CCDC170: variants seen among roughly 807,000 people sequenced by gnomAD.
CCDC170 encodes the protein coiled-coil domain containing 170.
In CCDC170, 69 loss-of-function variants were observed where a neutral mutation model predicts 72.6. The ratio of observed to expected loss-of-function variants is 0.95; its 90% CI spans 0.78 to 1.16. The LOEUF is 1.16. Ranked by LOEUF, CCDC170 falls within the 50% of genes most tolerant of loss-of-function variation. CCDC170 has a pLI of 0.00. For missense variants in CCDC170, 852 were observed against 832.5 expected (o/e 1.02, Z -0.29); for synonymous variants, 300 against 303.9 (o/e 0.99, Z 0.13).
intron 7 of CCDC170, among the ~76,000 whole-genome samples, chr6:151,590,458 G>A (rs929193176): frequency 2.4e-4 from 37 of 152,252 alleles, no homozygotes; most frequent in African/African-American, 4.6e-4. Context: ...AACTCTGTCC[G>A]TCGTGAATTT....
chr6:151,564,510 T>A (rs1483812819), intron 5 of CCDC170, among the ~76,000 whole-genome samples: 1 of 152,090 alleles, frequency 6.6e-6, no homozygotes, highest in Non-Finnish European at 1.5e-5. Flanking sequence ...GGTCTTTCAG[T>A]CCCTGGGCAG....
chr6:151,609,381 C>T (rs1330319647), intron 9 of CCDC170, among the ~76,000 whole-genome samples: 1 of 152,198 alleles, frequency 6.6e-6, no homozygotes, highest in Non-Finnish European at 1.5e-5. Flanking sequence ...TTCCTGAAAC[C>T]TTCCAGCTGG....
chr6:151,599,726 T>A (rs1200643013), intron 9 of CCDC170, among the ~76,000 whole-genome samples: 1 of 152,142 alleles, frequency 6.6e-6, no homozygotes, highest in African/African-American at 2.4e-5. Flanking sequence ...CGATAATGAC[T>A]GAAGGAGTGT....
intron 5 of CCDC170, among the ~76,000 whole-genome samples, chr6:151,559,044 G>C (rs1214997316): frequency 9.3e-6 from 1 of 106,994 alleles, no homozygotes; most frequent in Non-Finnish European, 1.8e-5. Flanking sequence ...ACAGAATCTT[G>C]CTCTGTCTCC....
chr6:151,545,087 T>C (rs751070830), intron 4 of CCDC170, among the ~76,000 whole-genome samples: 1 of 152,120 alleles, frequency 6.6e-6, no homozygotes, highest in Non-Finnish European at 1.5e-5. Context: ...AGGATACTGA[T>C]TGAGTGTGAG....
At chr6:151,600,359 C>T (rs770857894) in intron 9 of CCDC170, among the ~76,000 whole-genome samples, 4 of 152,128 alleles carry the variant, frequency 2.6e-5, no homozygotes, top group Non-Finnish European at 4.4e-5. Flanking sequence ...ACCCAACTAC[C>T]ACAAACTGGG....
At chr6:151,517,695 G>A (rs1184260330) in intron 1 of CCDC170, among the ~76,000 whole-genome samples, 2 of 151,890 alleles carry the variant, frequency 1.3e-5, no homozygotes, top group African/African-American at 2.4e-5. Context: ...ACCCACCTCG[G>A]CCTCCCAAAG....
chr6:151,614,629 A>ATTTTTTTTTT (rs34242496), intron 9 of CCDC170, among the ~76,000 whole-genome samples: 2 of 135,114 alleles, frequency 1.5e-5, no homozygotes, highest in Non-Finnish European at 3.2e-5. Flanking sequence ...TAACTTTTGT[A>ATTTTTTTTTT]TTTTTTTTTT....
intron 6 of CCDC170, among the ~76,000 whole-genome samples, chr6:151,582,303 T>C (rs555217341): frequency 1.3e-5 from 2 of 152,340 alleles, no homozygotes; most frequent in South Asian, 2.1e-4. Context: ...TACTGCTTTA[T>C]CTTGTACTTT....
intron 1 of CCDC170, among the ~76,000 whole-genome samples, chr6:151,523,969 C>T (rs902750418): frequency 4.6e-5 from 7 of 152,056 alleles, no homozygotes; most frequent in East Asian, 3.9e-4. Context: ...GTTTAATAAG[C>T]GAAAGGAGAA....
In CCDC170 at chr6:151,596,454, C is replaced by T; in HGVS notation, c.1587C>T (p.Asp529=). ...QARTALVVER[D]NAHLTIRNLQ... ...GCACGGCCTTGGTGGTTGAGAGGGACAACGCGCATCTTACCATCAGGAACT... is the reference window on the plus strand; with the variant it reads ...GCACGGCCTTGGTGGTTGAGAGGGATAACGCGCATCTTACCATCAGGAACT... The change falls in exon 9 of 11, where the codon GAC becomes GAT. Residue 529 remains aspartate (D), a synonymous_variant. Coordinates refer to ENST00000239374, the MANE Select transcript of CCDC170 (RefSeq NM_025059.4). 2.5e-6 allele frequency: 4 copies of T among 1,614,058 alleles called. No individual in the cohort carries two copies. Among genetic ancestry groups the T allele is most frequent in the Non-Finnish European group, 3.4e-6 (4 of 1,179,994 alleles).
At chr6:151,590,687 C>A (rs115483420) in intron 7 of CCDC170, among the ~76,000 whole-genome samples, 2,426 of 152,292 alleles carry the variant, frequency 0.016, 76 homozygotes, top group African/African-American at 0.056. Flanking sequence ...TTTCTAGTAA[C>A]CTTAATCTTT....
At chr6:151,583,852 C>T (rs1356098230) in intron 6 of CCDC170, among the ~76,000 whole-genome samples, 1 of 152,078 alleles carries the variant, frequency 6.6e-6, no homozygotes, top group Non-Finnish European at 1.5e-5. Context: ...TAGGGAGGCC[C>T]AAGGAGAGGA....
chr6:151,531,757 C>T (rs1352603114), intron 1 of CCDC170, among the ~76,000 whole-genome samples: 1 of 152,168 alleles, frequency 6.6e-6, no homozygotes, highest in East Asian at 1.9e-4. Flanking sequence ...AGGAAACTTA[C>T]AATCATGGCA....
intron 5 of CCDC170, among the ~76,000 whole-genome samples, chr6:151,552,551 G>T (rs1245327532): frequency 2.0e-5 from 3 of 151,914 alleles, no homozygotes; most frequent in Non-Finnish European, 4.4e-5. Context: ...CAATTCTATG[G>T]ACACATGGGT....
chr6:151,531,204 G>A (rs1395795735), intron 1 of CCDC170, among the ~76,000 whole-genome samples: 2 of 152,188 alleles, frequency 1.3e-5, no homozygotes, highest in Non-Finnish European at 2.9e-5. Flanking sequence ...ATTAGGTTAT[G>A]AGGGTGGAGG....
intron 4 of CCDC170, among the ~76,000 whole-genome samples, chr6:151,545,487 A>T (rs748475803): frequency 2.0e-5 from 3 of 152,162 alleles, no homozygotes; most frequent in Non-Finnish European, 2.9e-5. Context: ...AGAAATAAAT[A>T]ATAATAACTG....
chr6:151,549,063 C>A (rs1782832451), intron 5 of CCDC170, among the ~76,000 whole-genome samples: 1 of 152,094 alleles, frequency 6.6e-6, no homozygotes, highest in African/African-American at 2.4e-5. Flanking sequence ...CCACACCCGG[C>A]TAATTTTGTT....
intron 5 of CCDC170, among the ~76,000 whole-genome samples, chr6:151,556,319 G>C (rs2115067050): frequency 6.6e-6 from 1 of 152,324 alleles, no homozygotes. Context: ...AGCTGGGCAT[G>C]GTAGTGCATG....
Sources: gnomAD v4.1 joint callset for allele counts (sites outside exome capture counted in the v4.1 genomes callset) on GRCh38, gnomAD v4.1.1 for gene constraint, MANE v1.5 for transcripts, NCBI Gene and HGNC (gene_info 2026-07-23, HGNC 2026-07-21) for gene names.